Variants in XRCC4 observed in about 807,000 individuals in gnomAD.
XRCC4 encodes X-ray repair cross complementing 4, also known as DNA repair protein XRCC4.
A neutral mutation model predicts 39.1 loss-of-function variants in XRCC4; 28 were observed. The ratio of observed to expected loss-of-function variants is 0.72; its 90% CI spans 0.53 to 0.98. XRCC4 has a LOEUF of 0.98. XRCC4 is among the 50% of genes least tolerant of loss of function. XRCC4 has a pLI of 0.00. For synonymous variants in XRCC4, 123 were observed against 126.4 expected, an observed-to-expected ratio of 0.97 and a Z score of 0.18; for missense variants, 350 against 376.4, an observed-to-expected ratio of 0.93 and a Z score of 0.58.
intron 2 of XRCC4, among the ~76,000 whole-genome samples, chr5:83,109,674 G>A (rs1746357102): frequency 1.3e-5 from 2 of 151,782 alleles, no homozygotes; most frequent in African/African-American, 4.8e-5. Flanking sequence ...GTTTGAAGAG[G>A]TATTTCAAAA....
At position 83,280,481 on chromosome 5, in the gene XRCC4, G is replaced by A. The variant is rs191418747; in HGVS notation, c.893+21804G>A. ...ATCTCCTTAGGCAAAATTGAGGTAT[G>A]TAGTAGAAGAGTTCTGCTCATCAGT... On this transcript the variant is annotated intron_variant, in intron 7 of 7. Coordinates refer to ENST00000396027, the MANE Select transcript of XRCC4 (RefSeq NM_003401.5). 2.2e-5 allele frequency: 18 copies of A among 825,222 alleles called. No homozygotes were observed. In the African/African-American group the frequency reaches 2.3e-4, roughly 10 times the overall value. 51.1% of individuals were successfully genotyped at this position (825,222 alleles called of 1,614,324 possible).
intron 3 of XRCC4, among the ~76,000 whole-genome samples, chr5:83,142,868 T>A (rs1748251682): frequency 6.6e-6 from 1 of 152,218 alleles, no homozygotes; most frequent in African/African-American, 2.4e-5. Flanking sequence ...CATTAAACAT[T>A]ACTAAAATTT....
chr5:83,184,566 C>G (rs1488286097), intron 3 of XRCC4, among the ~76,000 whole-genome samples: 2 of 151,934 alleles, frequency 1.3e-5, no homozygotes, highest in Non-Finnish European at 2.9e-5. Flanking sequence ...ACAGGGAAAA[C>G]TGGTTTAAAT....
chr5:83,315,913 G>T (rs943276583), intron 7 of XRCC4, among the ~76,000 whole-genome samples: 2 of 152,086 alleles, frequency 1.3e-5, no homozygotes, highest in African/African-American at 4.8e-5. Flanking sequence ...TATTATTTCA[G>T]AATTACATTT....
intron 6 of XRCC4, among the ~76,000 whole-genome samples, chr5:83,217,358 CAAAA>C (rs59416363): frequency 1.0e-5 from 1 of 96,174 alleles, no homozygotes; most frequent in African/African-American, 4.7e-5. Context: ...GACTCCGTCT[CAAAA>C]AAAAAAAAAA....
At chr5:83,333,250 A>G (rs16900315) in intron 7 of XRCC4, among the ~76,000 whole-genome samples, 2,422 of 152,264 alleles carry the variant, frequency 0.016, 73 homozygotes, top group African/African-American at 0.055. Flanking sequence ...TTAGTCTTCA[A>G]TTACATGTGT....
chr5:83,080,823 T>A (rs1303293455), intron 1 of XRCC4, among the ~76,000 whole-genome samples: 1 of 152,176 alleles, frequency 6.6e-6, no homozygotes, highest in African/African-American at 2.4e-5. Context: ...AGCTGTAAAG[T>A]GCCTCTTTTA....
At position 83,279,735 on chromosome 5, in the gene XRCC4, G is replaced by A. The variant is rs1045281505; in HGVS notation, c.893+21058G>A. On this transcript the variant is annotated intron_variant, in intron 7 of 7. Transcript: ENST00000396027. ...ATGGCATCCCATTATTGTAAATGCA[G>A]AAAATGATAATGTCTGTACAAGTGA... Among the ~76,000 whole-genome samples, 4 of 152,292 alleles carry A rather than the reference G, an allele frequency of 2.6e-5. No individual in the cohort carries two copies. In the South Asian group the frequency reaches 6.2e-4, roughly 24 times the overall value.
chr5:83,127,523 G>A (rs6452512), intron 3 of XRCC4, among the ~76,000 whole-genome samples: 74,516 of 151,784 alleles, frequency 0.49, 19,255 homozygotes, highest in African/African-American at 0.63. Context: ...TCACAGCTAC[G>A]TGGAGCTGTG....
chr5:83,102,203 A>G (rs1006048300), intron 1 of XRCC4, among the ~76,000 whole-genome samples: 4 of 152,168 alleles, frequency 2.6e-5, no homozygotes, highest in African/African-American at 9.6e-5. Context: ...GACTCAGTGA[A>G]CTATGCTTTG....
chr5:83,364,301 C>T, the XRCC4 span, among the ~76,000 whole-genome samples: 1 of 152,160 alleles, frequency 6.6e-6, no homozygotes, highest in Admixed American at 6.5e-5. Flanking sequence ...TTCTAATAGA[C>T]TCTGGAGAAA....
At chr5:83,265,986 A>G (rs1242497887) in intron 7 of XRCC4, among the ~76,000 whole-genome samples, 1 of 152,050 alleles carries the variant, frequency 6.6e-6, no homozygotes. Context: ...GGAGACTTTT[A>G]TAATCTTTCT....
chr5:83,173,632 C>T (rs1749827099), intron 3 of XRCC4, among the ~76,000 whole-genome samples: 1 of 152,110 alleles, frequency 6.6e-6, no homozygotes, highest in Non-Finnish European at 1.5e-5. Context: ...GTATGTTAGT[C>T]AGGGGAAGGT....
chr5:83,280,583 A>T, intron 7 of XRCC4: 1 of 454,612 alleles, frequency 2.2e-6, no homozygotes. Flanking sequence ...ACTGTAGCCG[A>T]CTTCAGATGG....
At chr5:83,211,072 C>A (rs1751625556) in intron 6 of XRCC4, among the ~76,000 whole-genome samples, 1 of 152,136 alleles carries the variant, frequency 6.6e-6, no homozygotes, top group Non-Finnish European at 1.5e-5. Flanking sequence ...AACTATGAAT[C>A]TAAAATTGAC....
At chr5:83,208,305 A>G (rs191344005) in intron 6 of XRCC4, among the ~76,000 whole-genome samples, 1 of 152,148 alleles carries the variant, frequency 6.6e-6, no homozygotes, top group East Asian at 1.9e-4. Context: ...TTTGGTAGTT[A>G]TGCTTGTTTT....
intron 7 of XRCC4, among the ~76,000 whole-genome samples, chr5:83,320,742 C>T (rs1756039911): frequency 6.6e-6 from 1 of 151,418 alleles, no homozygotes; most frequent in Non-Finnish European, 1.5e-5. Context: ...TTACAACTTG[C>T]TAAAGGCCCA....
intron 3 of XRCC4, among the ~76,000 whole-genome samples, chr5:83,164,360 A>G (rs963082322): frequency 1.3e-5 from 2 of 152,306 alleles, no homozygotes; most frequent in African/African-American, 4.8e-5. Flanking sequence ...CATTCCTTAT[A>G]AAAGTCCCCA....
At chr5:83,279,004 CAAAAAAAAAA>C (rs529797820) in intron 7 of XRCC4, among the ~76,000 whole-genome samples, 1 of 61,044 alleles carries the variant, frequency 1.6e-5, no homozygotes, top group East Asian at 4.1e-4. Context: ...CCATCTCTAC[CAAAAAAAAAA>C]AAAAAAAGAT....
Sources: gnomAD v4.1 joint callset for allele counts (sites outside exome capture counted in the v4.1 genomes callset) on GRCh38, gnomAD v4.1.1 for gene constraint, MANE v1.5 for transcripts, NCBI Gene and HGNC (gene_info 2026-07-23, HGNC 2026-07-21) for gene names.